The following DPP10 variants were observed in gnomAD, a reference collection of about 807,000 sequenced individuals.
DPP10 encodes the protein dipeptidyl peptidase like 10, also known as inactive dipeptidyl peptidase 10.
In DPP10, 33 loss-of-function variants were observed where a neutral mutation model predicts 120.9. That is an observed-to-expected ratio of 0.27 (90% confidence interval 0.21 to 0.37). The LOEUF (loss-of-function observed/expected upper bound fraction) is 0.37. Ranked by LOEUF, DPP10 falls within the 10% of genes least tolerant of loss-of-function variation. The pLI is 1.00. For missense variants in DPP10, 816 were observed against 942.8 expected (o/e 0.87, Z 1.76); for synonymous variants, 337 against 326.1 (o/e 1.03, Z -0.36).
chr2:115,631,134 T>A (rs2085833284), intron 5 of DPP10, among the ~76,000 whole-genome samples: 1 of 151,406 alleles, frequency 6.6e-6, no homozygotes, highest in Admixed American at 6.6e-5. Flanking sequence ...TTCAACTTCT[T>A]CCTCGTTCAG....
At chr2:115,056,294 T>C (rs561871744) in intron 1 of DPP10, among the ~76,000 whole-genome samples, 4 of 152,252 alleles carry the variant, frequency 2.6e-5, no homozygotes, top group South Asian at 4.1e-4. Flanking sequence ...CCCAGAGTCA[T>C]TGAGGTACTA....
At chr2:115,411,457 G>A (rs1210483085) in intron 3 of DPP10, among the ~76,000 whole-genome samples, 1 of 152,136 alleles carries the variant, frequency 6.6e-6, no homozygotes, top group African/African-American at 2.4e-5. Flanking sequence ...TTGCATCTTG[G>A]TCAAGGACTA....
intron 1 of DPP10, among the ~76,000 whole-genome samples, chr2:114,723,822 T>C (rs993541804): frequency 1.3e-5 from 2 of 152,144 alleles, no homozygotes; most frequent in Non-Finnish European, 2.9e-5. Flanking sequence ...TATTTATGAC[T>C]TAATATGTCA....
At chr2:115,779,765 G>C (rs976637691) in intron 15 of DPP10, among the ~76,000 whole-genome samples, 6 of 151,792 alleles carry the variant, frequency 4.0e-5, no homozygotes, top group Non-Finnish European at 5.9e-5. Flanking sequence ...TGTTATACAG[G>C]TTTAACCCAA....
At chr2:114,831,499 A>C (rs1187289034) in intron 1 of DPP10, among the ~76,000 whole-genome samples, 1 of 152,208 alleles carries the variant, frequency 6.6e-6, no homozygotes, top group Non-Finnish European at 1.5e-5. Flanking sequence ...CTTTTATGGC[A>C]AAGAAGAGTG....
intron 5 of DPP10, among the ~76,000 whole-genome samples, chr2:115,635,407 C>T (rs1299993552): frequency 1.3e-5 from 2 of 152,130 alleles, no homozygotes; most frequent in African/African-American, 4.8e-5. Flanking sequence ...CAGAGTAGCA[C>T]CATCACTCAC....
chr2:115,635,017 G>A (rs1575402527), intron 5 of DPP10, among the ~76,000 whole-genome samples: 1 of 152,178 alleles, frequency 6.6e-6, no homozygotes, highest in African/African-American at 2.4e-5. Context: ...CCACGGTGCT[G>A]CACTATGGGG....
chr2:114,766,990 CTATT>C (rs1215113433), intron 1 of DPP10, among the ~76,000 whole-genome samples: 1 of 150,238 alleles, frequency 6.7e-6, no homozygotes, highest in Non-Finnish European at 1.5e-5. Flanking sequence ...TGTCAGTTAT[CTATT>C]TAACAGTGTG....
chr2:115,003,024 G>C (rs1029125164), intron 1 of DPP10, among the ~76,000 whole-genome samples: 53 of 151,794 alleles, frequency 3.5e-4, no homozygotes, highest in African/African-American at 1.2e-3. Context: ...TATACTCAAA[G>C]GACTACATAT....
intron 1 of DPP10, among the ~76,000 whole-genome samples, chr2:114,829,283 C>G (rs998483071): frequency 2.6e-5 from 4 of 151,788 alleles, no homozygotes; most frequent in African/African-American, 9.7e-5. Flanking sequence ...GAGTGAGACT[C>G]CATCTCAAAA....
chr2:115,557,987 C>A (rs946995089), intron 5 of DPP10, among the ~76,000 whole-genome samples: 12 of 152,282 alleles, frequency 7.9e-5, no homozygotes, highest in African/African-American at 2.6e-4. Context: ...CTTTCCTTAT[C>A]ATCTCTGGGA....
intron 1 of DPP10, among the ~76,000 whole-genome samples, chr2:114,627,380 T>C (rs954921822): frequency 5.3e-5 from 8 of 152,116 alleles, no homozygotes; most frequent in Non-Finnish European, 1.2e-4. Context: ...ATCTTTCTCT[T>C]CTTTTGTAAA....
At chr2:115,481,358 A>G (rs1207952003) in intron 3 of DPP10, among the ~76,000 whole-genome samples, 2 of 152,170 alleles carry the variant, frequency 1.3e-5, no homozygotes, top group African/African-American at 4.8e-5. Context: ...TACATTCTTC[A>G]AAGCTTGAAG....
chr2:114,979,946 T>C (rs1699981954), intron 1 of DPP10, among the ~76,000 whole-genome samples: 1 of 152,144 alleles, frequency 6.6e-6, no homozygotes, highest in Admixed American at 6.5e-5. Flanking sequence ...TTTTGTCAGT[T>C]TCTATAGTCT....
chr2:115,084,000 T>C (rs548603339), intron 1 of DPP10, among the ~76,000 whole-genome samples: 1 of 152,328 alleles, frequency 6.6e-6, no homozygotes, highest in Non-Finnish European at 1.5e-5. Flanking sequence ...AGGTTAGTTT[T>C]CTTTCAGGTG....
chr2:114,964,314 T>C (rs759818689), intron 1 of DPP10, among the ~76,000 whole-genome samples: 3 of 152,172 alleles, frequency 2.0e-5, no homozygotes, highest in Admixed American at 6.5e-5. Flanking sequence ...AGACATTCAA[T>C]GCCCTAAGTG....
chr2:115,482,610 A>G (rs1472447447), intron 3 of DPP10, among the ~76,000 whole-genome samples: 1 of 151,948 alleles, frequency 6.6e-6, no homozygotes, highest in Non-Finnish European at 1.5e-5. Flanking sequence ...AACATTTCCT[A>G]TAGATTGAAT....
intron 1 of DPP10, among the ~76,000 whole-genome samples, chr2:114,512,778 C>T (rs1684252914): frequency 6.6e-6 from 1 of 152,236 alleles, no homozygotes; most frequent in Non-Finnish European, 1.5e-5. Flanking sequence ...GATGTGTAAA[C>T]TTCCCAGGTG....
At chr2:114,511,307 T>C (rs1395924049) in intron 1 of DPP10, among the ~76,000 whole-genome samples, 1 of 152,236 alleles carries the variant, frequency 6.6e-6, no homozygotes, top group Admixed American at 6.5e-5. Context: ...TCCAAGAAAG[T>C]ATTAGCAGGA....
Sources: gnomAD v4.1 joint callset for allele counts (sites outside exome capture counted in the v4.1 genomes callset) on GRCh38, gnomAD v4.1.1 for gene constraint, MANE v1.5 for transcripts, NCBI Gene and HGNC (gene_info 2026-07-23, HGNC 2026-07-21) for gene names.